Variants in SLC22A16 observed in about 807,000 individuals in gnomAD.
SLC22A16 encodes the protein WUGSC:RG331P03.1.
SLC22A16 carries 53 observed loss-of-function variants against 52.9 expected under a neutral mutation model. That is an observed-to-expected ratio of 1.00 (90% CI 0.80 to 1.26). SLC22A16 has a LOEUF of 1.26. SLC22A16 is among the 50% of genes most tolerant of loss of function. The pLI is 0.00. For synonymous variants in SLC22A16, 291 were observed against 268.8 expected, an observed-to-expected ratio of 1.08 and a Z score of -0.81; for missense variants, 726 against 704.0, an observed-to-expected ratio of 1.03 and a Z score of -0.35.
chr6:110,476,613 C>CG, upstream of SLC22A16: 1 of 1,514,032 alleles, frequency 6.6e-7, no homozygotes. Flanking sequence ...AGCCGAGCTC[C>CG]GGGGACTGCG....
At chr6:110,454,810 TTA>T (rs1491173847) in intron 2 of SLC22A16, among the ~76,000 whole-genome samples, 1 of 27,164 alleles carries the variant, frequency 3.7e-5, no homozygotes, top group Non-Finnish European at 5.6e-5. Flanking sequence ...AATATATATA[TTA>T]TATATGTTAT....
intron 1 of SLC22A16, among the ~76,000 whole-genome samples, chr6:110,464,211 C>A (rs1006040599): frequency 6.6e-6 from 1 of 151,986 alleles, no homozygotes; most frequent in African/African-American, 2.4e-5. Flanking sequence ...AATTAACAAC[C>A]ATTAATGCCA....
At chr6:110,474,948 A>G in intron 1 of SLC22A16, 1 of 519,082 alleles carries the variant, frequency 1.9e-6, no homozygotes, top group Non-Finnish European at 3.8e-6. Flanking sequence ...GAGTTACTGT[A>G]AGGATGAGAA....
chr6:110,472,504 A>C (rs564274383), intron 1 of SLC22A16, among the ~76,000 whole-genome samples: 1 of 152,260 alleles, frequency 6.6e-6, no homozygotes, highest in East Asian at 1.9e-4. Flanking sequence ...TTATACCCCC[A>C]AAATAATAAA....
rs143619679 is a variant in SLC22A16, at chr6:110,438,540, G to A, written c.1311+180C>T. On this transcript the variant is annotated intron_variant, in intron 5 of 7. Transcript: ENST00000368919. ...TTTTTCTCTTCAAATTTTCTAAAAT[G>A]AACATATATTACTTATATAACAGAA... Among the ~76,000 whole-genome samples, 401 of 150,952 alleles carry A rather than the reference G, an allele frequency of 2.7e-3. 4 individuals carry two copies. The highest frequency in any genetic ancestry group is 9.1e-3 in the African/African-American group (376 of 41,346).
chr6:110,468,684 GAAGAAA>G (rs1554228728), intron 1 of SLC22A16, among the ~76,000 whole-genome samples: 1 of 150,598 alleles, frequency 6.6e-6, no homozygotes, highest in Non-Finnish European at 1.5e-5. Flanking sequence ...AGAAGAAGAA[GAAGAAA>G]AAGAAAAAAA....
At chr6:110,450,120 C>T (rs1775318000) in intron 2 of SLC22A16, among the ~76,000 whole-genome samples, 1 of 152,078 alleles carries the variant, frequency 6.6e-6, no homozygotes, top group South Asian at 2.1e-4. Context: ...GGGCTCAAAT[C>T]CCAGCTCCAT....
chr6:110,434,554 C>A (rs764223753), intron 6 of SLC22A16, among the ~76,000 whole-genome samples: 13 of 133,632 alleles, frequency 9.7e-5, no homozygotes, highest in African/African-American at 2.8e-4. Context: ...TTTGGAAAAG[C>A]TTTGTAAAAG....
chr6:110,435,227 T>C (rs1432380492), intron 6 of SLC22A16, among the ~76,000 whole-genome samples: 1 of 152,130 alleles, frequency 6.6e-6, no homozygotes, highest in Non-Finnish European at 1.5e-5. Context: ...TATTTGTAGA[T>C]AAGGTCTTTA....
intron 2 of SLC22A16, among the ~76,000 whole-genome samples, chr6:110,454,665 ATTTATATATATTATATAT>A (rs1462379756): frequency 2.2e-5 from 1 of 45,366 alleles, no homozygotes; most frequent in Admixed American, 3.2e-4. Flanking sequence ...TATTATATAT[ATTTATATATATTATATAT>A]TTTATATTAT....
chr6:110,438,894 A>C (rs754928929), intron 4 of SLC22A16, 47 bp from the exon 5 acceptor site: 1 of 1,606,212 alleles, frequency 6.2e-7, no homozygotes, highest in East Asian at 2.2e-5. Context: ...ACCCGACTGC[A>C]AAAGGGGACC....
At chr6:110,449,387 G>A (rs1350164154) in intron 2 of SLC22A16, among the ~76,000 whole-genome samples, 1 of 151,916 alleles carries the variant, frequency 6.6e-6, no homozygotes, top group Non-Finnish European at 1.5e-5. Flanking sequence ...CTAAGTATGG[G>A]CTATTAACTC....
chr6:110,448,731 C>A (rs1017712933), intron 2 of SLC22A16, among the ~76,000 whole-genome samples: 3 of 152,296 alleles, frequency 2.0e-5, no homozygotes, highest in East Asian at 1.9e-4. Flanking sequence ...CCATCTCCTG[C>A]AGAGAACAGA....
At chr6:110,458,821 C>A (rs574161770) in intron 1 of SLC22A16, among the ~76,000 whole-genome samples, 3 of 152,166 alleles carry the variant, frequency 2.0e-5, no homozygotes, top group Admixed American at 6.5e-5. Flanking sequence ...AATATCAGAG[C>A]TCCTGGTTCT....
chr6:110,425,113 T>C (rs1378630445), intron 7 of SLC22A16, 28 bp from the exon 8 acceptor site: 1 of 1,612,344 alleles, frequency 6.2e-7, no homozygotes, highest in African/African-American at 1.3e-5. Flanking sequence ...TAATGATAAG[T>C]GACACATCAA....
chr6:110,461,807 T>G (rs1775895075), intron 1 of SLC22A16, among the ~76,000 whole-genome samples: 2 of 152,064 alleles, frequency 1.3e-5, no homozygotes, highest in African/African-American at 4.8e-5. Flanking sequence ...AGCCACACCC[T>G]CAAGTGAAAA....
chr6:110,453,164 A>G (rs1422253984), intron 2 of SLC22A16, among the ~76,000 whole-genome samples: 1 of 152,172 alleles, frequency 6.6e-6, no homozygotes, highest in African/African-American at 2.4e-5. Flanking sequence ...TGCAATGTCC[A>G]GTTTTTATCA....
rs146695697 is a variant in SLC22A16 at position 110,458,444 on chromosome 6, C to A, written c.54-1427G>T. ...ACACATGGGGAGAAAAACCCACAGA[C>A]CCTGTAAGGCTGGCCCCTACAGCCA... On this transcript the variant is annotated intron_variant, in intron 1 of 7. Transcript: ENST00000368919. Among the ~76,000 whole-genome samples, 372 of 152,298 alleles carry A rather than the reference C, an allele frequency of 2.4e-3. 1 individual carries two copies. Among genetic ancestry groups the A allele is most frequent in the African/African-American group, 8.5e-3 (354 of 41,568 alleles).
At chr6:110,450,193 G>T (rs1273536436) in intron 2 of SLC22A16, among the ~76,000 whole-genome samples, 1 of 151,962 alleles carries the variant, frequency 6.6e-6, no homozygotes, top group African/African-American at 2.4e-5. Context: ...AAAAAGGAGG[G>T]GGGGGCACAA....
Sources: allele counts gnomAD v4.1 joint callset (sites outside exome capture counted in the v4.1 genomes callset), GRCh38; gene constraint gnomAD v4.1.1; transcripts MANE v1.5; gene names NCBI Gene and HGNC (gene_info 2026-07-23, HGNC 2026-07-21).